The following RYR2 variants were observed in gnomAD, a reference collection of about 807,000 sequenced individuals.
RYR2 encodes cardiac muscle ryanodine receptor-calcium release channel.
In RYR2, 227 loss-of-function variants were observed where a neutral mutation model predicts 601.1. The observed-to-expected ratio is 0.38, with a 90% CI of 0.34 to 0.42. The LOEUF is 0.42. Among genes scored for constraint, RYR2 ranks in the 10% least tolerant of loss-of-function variants. The pLI is 1.00. For missense variants in RYR2, 4,646 were observed against 6,156.5 expected (o/e 0.75, Z 8.21); for synonymous variants, 2,223 against 2,175.1 (o/e 1.02, Z -0.61).
chr1:237,552,374 AC>A (rs1356601159), intron 27 of RYR2, among the ~76,000 whole-genome samples: 12 of 152,314 alleles, frequency 7.9e-5, no homozygotes, highest in Admixed American at 5.9e-4. Flanking sequence ...TGTTTTAAAA[AC>A]AATTTAAAAA....
rs1375556262 is a variant in RYR2 at position 237,680,310 on chromosome 1, A to T, written c.8896-146A>T. 6 of 570,074 alleles carry T rather than the reference A, an allele frequency of 1.1e-5. No individual in the cohort carries two copies. In the African/African-American group the frequency reaches 1.1e-4, roughly 11 times the overall value. 35.3% of individuals were successfully genotyped at this position (570,074 alleles called of 1,614,324 possible). On this transcript the variant is annotated intron_variant, in intron 61 of 104. Transcript: ENST00000366574. ...GCTGGAGACGGTAGAGTGAGATTTA[A>T]GAGAGGCATACTATGACGTGCCTGG...
chr1:237,107,399 TA>T, intron 1 of RYR2, among the ~76,000 whole-genome samples: 1 of 150,734 alleles, frequency 6.6e-6, no homozygotes, highest in Non-Finnish European at 1.5e-5. Context: ...CGGGCGCCTG[TA>T]GTCCCAGCTA....
intron 58 of RYR2, among the ~76,000 whole-genome samples, chr1:237,669,500 G>A (rs1429206393): frequency 1.4e-5 from 2 of 138,444 alleles, no homozygotes; most frequent in African/African-American, 2.5e-5. Flanking sequence ...CTGGCCGGGC[G>A]GGGGGCTGAC....
At chr1:237,694,579 C>G (rs962085864) in intron 63 of RYR2, among the ~76,000 whole-genome samples, 3 of 151,866 alleles carry the variant, frequency 2.0e-5, no homozygotes, top group Non-Finnish European at 4.4e-5. Context: ...TAGAGAAGTT[C>G]AGAAATATTG....
chr1:237,623,907 A>G, intron 39 of RYR2, 37 bp downstream of exon 39: 2 of 1,360,058 alleles, frequency 1.5e-6, no homozygotes, highest in Non-Finnish European at 2.1e-6. Flanking sequence ...TATTAATTGT[A>G]TGTTTTTAAT....
intron 34 of RYR2, among the ~76,000 whole-genome samples, chr1:237,601,040 A>G (rs2148505784): frequency 6.6e-6 from 1 of 152,358 alleles, no homozygotes; most frequent in East Asian, 1.9e-4. Context: ...AGGTTCCTCA[A>G]CAAATTAAGA....
rs373919869 is a variant in RYR2, at chr1:237,437,568, C to A, written c.1006-3751C>A. 5.9e-5 allele frequency among the ~76,000 whole-genome samples: 9 copies of A among 152,130 alleles called. No individual in the cohort carries two copies. The East Asian group carries it at 7.7e-4, about 13-fold the overall frequency. ...GGCTGGAGGAATCAGACATATGATT[C>A]CTGCTGTCAAAAAGGTGAATGATAG... On this transcript the variant is annotated intron_variant, in intron 12 of 104. Coordinates refer to ENST00000366574, the MANE Select transcript of RYR2 (RefSeq NM_001035.3).
At chr1:237,171,890 A>G (rs1677441746) in intron 1 of RYR2, among the ~76,000 whole-genome samples, 1 of 152,174 alleles carries the variant, frequency 6.6e-6, no homozygotes, top group Admixed American at 6.5e-5. Flanking sequence ...GCTTTTACCC[A>G]CCGGTCTTTC....
At chr1:237,419,198 T>G (rs1705311531) in intron 11 of RYR2, among the ~76,000 whole-genome samples, 1 of 152,150 alleles carries the variant, frequency 6.6e-6, no homozygotes, top group African/African-American at 2.4e-5. Context: ...ATTGAATATG[T>G]GTTTTCAAAA....
At chr1:237,380,921 T>C (rs756931317) in intron 8 of RYR2, among the ~76,000 whole-genome samples, 77 of 151,810 alleles carry the variant, frequency 5.1e-4, no homozygotes, top group Admixed American at 1.3e-3. Flanking sequence ...CTACTAAAAA[T>C]ACAAAAATTA....
chr1:237,253,163 C>CAA (rs33931680), intron 1 of RYR2, among the ~76,000 whole-genome samples: 47 of 109,552 alleles, frequency 4.3e-4, no homozygotes, highest in African/African-American at 1.2e-3. Flanking sequence ...GACTCCGTCT[C>CAA]AAAAAAAAAA....
chr1:237,697,272 G>A lies in RYR2; in HGVS notation c.9068-1693G>A, dbSNP rs183672147. 4.6e-4 allele frequency among the ~76,000 whole-genome samples: 68 copies of A among 149,186 alleles called. No individual in the cohort carries two copies. In the East Asian group the frequency reaches 0.013, roughly 29 times the overall value. On this transcript the variant is annotated intron_variant, in intron 63 of 104. Transcript: ENST00000366574. ...TCTGCTCAAATGCCGCCTCCAGGAA[G>A]GACTCATGAGCACTATCCCTGTTAT...
chr1:237,617,544 C>A, intron 38 of RYR2, 58 bp downstream of exon 38: 2 of 1,512,386 alleles, frequency 1.3e-6, no homozygotes, highest in South Asian at 1.2e-5. Flanking sequence ...CATTCAGGAT[C>A]TCTGCCTTGC....
intron 81 of RYR2, among the ~76,000 whole-genome samples, chr1:237,756,838 CTT>C: frequency 6.6e-6 from 1 of 152,280 alleles, no homozygotes; most frequent in African/African-American, 2.4e-5. Context: ...TTTACACACA[CTT>C]TGTTTACACA....
chr1:237,805,922 A>G (rs1282037706), intron 98 of RYR2, among the ~76,000 whole-genome samples: 1 of 151,962 alleles, frequency 6.6e-6, no homozygotes. Flanking sequence ...CTTTTAACAA[A>G]TCTCTCCCTA....
chr1:237,249,729 G>C (rs895846217), intron 1 of RYR2, among the ~76,000 whole-genome samples: 3 of 152,054 alleles, frequency 2.0e-5, no homozygotes, highest in Non-Finnish European at 4.4e-5. Flanking sequence ...TCTGTTAGTT[G>C]CTTCCTTTAT....
At chr1:237,375,668 C>G (rs1294392492) in intron 7 of RYR2, among the ~76,000 whole-genome samples, 4 of 152,104 alleles carry the variant, frequency 2.6e-5, no homozygotes, top group Non-Finnish European at 5.9e-5. Flanking sequence ...AAAGAAATTC[C>G]AAGAACCCCT....
chr1:237,816,400 C>T (rs1456537225), intron 100 of RYR2, among the ~76,000 whole-genome samples: 1 of 152,130 alleles, frequency 6.6e-6, no homozygotes, highest in Non-Finnish European at 1.5e-5. Context: ...GAAAAGCAAT[C>T]CAGGCTAGGC....
Position 237,784,348 on chromosome 1 carries a change from C to G in RYR2, c.12636C>G (p.Asn4212Lys), listed in dbSNP as rs1041564863. The G allele has an allele frequency of 1.2e-6, 2 of 1,613,638 alleles. No individual in the cohort carries two copies. Among genetic ancestry groups the G allele is most frequent in the African/African-American group, 1.3e-5 (1 of 74,862 alleles). ...CTCAGATCTCGGAGTCGGACTTGAA[C>G]GAGAGGTCAGCGAATAAGGAAGAAA... ...LAAQISESDL[N>K]ERSANKEESE... is the part of the protein sequence containing the mutation. The change falls in exon 90 of 105, where the codon AAC (asparagine) becomes AAG (lysine). Residue 4212 changes from asparagine to lysine, a missense_variant. Transcript: ENST00000366574. The surrounding 1 kb of genome is among the most constrained non-coding windows in gnomAD (Gnocchi z 7.1).
Sources: allele counts gnomAD v4.1 joint callset (sites outside exome capture counted in the v4.1 genomes callset), GRCh38; gene constraint gnomAD v4.1.1; non-coding constraint Gnocchi (gnomAD v3.1); transcripts MANE v1.5; gene names NCBI Gene and HGNC (gene_info 2026-07-23, HGNC 2026-07-21).